The following MLC1 variants were observed in gnomAD, a reference collection of about 807,000 sequenced individuals.
MLC1 encodes the protein membrane protein MLC1.
MLC1 carries 32 observed loss-of-function variants against 44.7 expected under a neutral mutation model. That is an observed-to-expected ratio of 0.72 (90% CI 0.54 to 0.96). The LOEUF is 0.96. MLC1 is among the 40% of genes least tolerant of loss of function. The pLI, the probability that MLC1 is intolerant of heterozygous loss-of-function variation, is 0.00. For missense variants in MLC1, 459 were observed against 492.2 expected, an observed-to-expected ratio of 0.93 and a Z score of 0.64; for synonymous variants, 190 against 213.0, an observed-to-expected ratio of 0.89 and a Z score of 0.94.
chr22:50,070,431 G>A (rs566785536), intron 9 of MLC1, 96 bp downstream of exon 9: 6 of 1,220,908 alleles, frequency 4.9e-6, no homozygotes, highest in African/African-American at 4.5e-5. Flanking sequence ...GCTCTCTTGG[G>A]CTGGAGCCTG....
rs140676811 is a variant in MLC1, at chr22:50,076,843, A to C, written c.595T>G (p.Ser199Ala). Residue 199 changes from serine (S) to alanine (A), a missense_variant and splice_region_variant, in exon 7 of 12, where the codon TCA becomes GCA. Coordinates refer to ENST00000311597, the MANE Select transcript of MLC1 (RefSeq NM_015166.4). The part of the protein sequence containing the change: ...PFPARVLKSY[S>A]VVEVIAGISA... ...AGAAAGAAGGGAAGTTTTCTTACTGAGTAAGATTTCAGGACCCGAGCAGGA... is the reference window on the plus strand; with the variant it reads ...AGAAAGAAGGGAAGTTTTCTTACTGCGTAAGATTTCAGGACCCGAGCAGGA... The C allele has an allele frequency of 2.5e-6, 4 of 1,613,762 alleles. No homozygotes were observed. Among genetic ancestry groups the C allele is most frequent in the Admixed American group, 1.7e-5 (1 of 60,018 alleles).
Position 50,064,051 on chromosome 22 carries a change from C to G in MLC1, c.1042G>C (p.Glu348Gln). The change falls in exon 11 of 12, where the codon GAG becomes CAG. Residue 348 changes from glutamate to glutamine, a missense_variant. Transcript: ENST00000311597. The part of the protein sequence containing the change: ...ASWDTQNGPQ[E>Q]RLAGEVARSP... Reference sequence around the variant, plus strand: ...CCACTCACCTCCCCAGCCAGGCGCTCCTGCGGGCCGTTCTGGGTGTCCCAG... The same window carrying G: ...CCACTCACCTCCCCAGCCAGGCGCTGCTGCGGGCCGTTCTGGGTGTCCCAG... 6.2e-7 allele frequency: 1 copy of G among 1,606,770 alleles called. No individual in the cohort carries two copies. The highest frequency in any genetic ancestry group is 8.5e-7 in the Non-Finnish European group (1 of 1,179,682).
intron 10 of MLC1, among the ~76,000 whole-genome samples, chr22:50,067,960 AAAC>A (rs1601992384): frequency 8.5e-6 from 1 of 117,684 alleles, no homozygotes; most frequent in South Asian, 3.4e-4. Flanking sequence ...GGAAAAAAAA[AAAC>A]AAAAAAACAA....
At chr22:50,069,129 C>T (rs1274993666) in intron 9 of MLC1, among the ~76,000 whole-genome samples, 2 of 151,604 alleles carry the variant, frequency 1.3e-5, no homozygotes, top group Admixed American at 6.6e-5. Flanking sequence ...TGGGTTCAAG[C>T]AATTCTCCCG....
intron 9 of MLC1, among the ~76,000 whole-genome samples, chr22:50,070,271 C>T (rs2061818814): frequency 6.6e-6 from 1 of 152,218 alleles, no homozygotes; most frequent in Non-Finnish European, 1.5e-5. Flanking sequence ...GGTCTCCTTC[C>T]AAGGGTTAGG....
chr22:50,079,313 A>G (rs8139713), intron 5 of MLC1, among the ~76,000 whole-genome samples: 21,657 of 151,550 alleles, frequency 0.14, 1,720 homozygotes, highest in Admixed American at 0.21. Context: ...ACAAAAAGGC[A>G]GTGTGGGTGT....
Position 50,080,749 on chromosome 22 carries a change from A to G in MLC1, c.268-352T>C, listed in dbSNP as rs138766580. On this transcript the variant is annotated intron_variant, in intron 3 of 11. Coordinates refer to ENST00000311597, the MANE Select transcript of MLC1 (RefSeq NM_015166.4). ...TCTGAAAGAAGTTTTTATTTTTCTG[A>G]TGTGCTAAAAAGATATTTGTTAATG... Among the ~76,000 whole-genome samples the G allele has an allele frequency of 7.0e-3, 1,072 of 152,262 alleles. 18 individuals carry two copies. The highest frequency in any genetic ancestry group is 0.025 in the African/African-American group (1,022 of 41,520).
intron 3 of MLC1, among the ~76,000 whole-genome samples, chr22:50,082,076 GT>G (rs899694065): frequency 2.6e-5 from 4 of 152,264 alleles, no homozygotes; most frequent in African/African-American, 9.6e-5. Context: ...CACCAACAGT[GT>G]CCCTAGAGAA....
intron 7 of MLC1, among the ~76,000 whole-genome samples, chr22:50,075,924 G>A (rs747955996): frequency 1.6e-4 from 24 of 152,086 alleles, no homozygotes; most frequent in East Asian, 1.3e-3. Flanking sequence ...GACAGACCCC[G>A]CATGGTCTGT....
intron 11 of MLC1, 152 bp downstream of exon 11, chr22:50,063,882 C>A (rs1391896938): frequency 1.2e-5 from 10 of 826,784 alleles, no homozygotes; most frequent in Non-Finnish European, 1.7e-5. Flanking sequence ...ACCCCCTCCC[C>A]CTGCAGGCCA....
chr22:50,061,160 A>T lies in MLC1; in HGVS notation c.*423T>A, dbSNP rs1461267776. 2 of 286,788 alleles carry T rather than the reference A, an allele frequency of 7.0e-6. No individual in the cohort carries two copies. Among genetic ancestry groups the T allele is most frequent in the African/African-American group, 4.4e-5 (2 of 45,932 alleles). The allele number at this position is 286,788 out of a possible 1,614,324, so 17.8% of individuals were successfully genotyped here. ...CGGGACAGACCCTAAGCGTGGAGGG[A>T]GGAAGCCCGGTCAGAGTGGGCAGGA... On this transcript the variant is annotated 3_prime_UTR_variant, in exon 12 of 12. Transcript: ENST00000311597.
chr22:50,076,820 AAAG>A lies in MLC1; in HGVS notation c.597+18_597+20del, dbSNP rs1424729605. The A allele has an allele frequency of 6.2e-7, 1 of 1,611,116 alleles. No individual in the cohort carries two copies. ...CCCGACAGAGTATGAGAGAAAAGAG[AAAG>A]AAGGGAAGTTTTCTTACTGAGTAAG... On this transcript the variant is annotated intron_variant, in intron 7 of 11. Transcript: ENST00000311597.
intron 11 of MLC1, among the ~76,000 whole-genome samples, chr22:50,063,711 G>C (rs1328571075): frequency 8.3e-6 from 1 of 120,312 alleles, no homozygotes; most frequent in African/African-American, 3.2e-5. Context: ...CTCCCTGGCT[G>C]AGCACCCCTG....
chr22:50,070,728 A>C, intron 8 of MLC1, 145 bp from the exon 9 acceptor site: 3 of 840,126 alleles, frequency 3.6e-6, no homozygotes, highest in Non-Finnish European at 1.9e-6. Context: ...GCAGTGCCCA[A>C]AGGCGCAGCT....
chr22:50,074,373 G>A, intron 7 of MLC1, 41 bp from the exon 8 acceptor site: 1 of 1,511,410 alleles, frequency 6.6e-7, no homozygotes, highest in Non-Finnish European at 9.2e-7. Context: ...AGGAAGTGGA[G>A]ACACCCCCAG....
Position 50,074,333 on chromosome 22 carries a change from C to A in MLC1, c.598-1G>T. 6.2e-7 allele frequency: 1 copy of A among 1,611,934 alleles called. No homozygotes were observed. The highest frequency in any genetic ancestry group is 8.5e-7 in the Non-Finnish European group (1 of 1,178,120). On this transcript the variant is annotated splice_acceptor_variant, in intron 7 of 11. Coordinates refer to ENST00000311597, the MANE Select transcript of MLC1 (RefSeq NM_015166.4). LOFTEE classifies it high-confidence loss of function. Reference sequence around the variant, plus strand: ...AGATGCCTGCGATTACCTCGACGACCTGGAGGGGACAGGACAGCATCGGCT... The same window carrying A: ...AGATGCCTGCGATTACCTCGACGACATGGAGGGGACAGGACAGCATCGGCT...
chr22:50,068,730 T>TC (rs1430294120), intron 9 of MLC1, among the ~76,000 whole-genome samples, 175 bp from the exon 10 acceptor site: 7 of 92,192 alleles, frequency 7.6e-5, no homozygotes, highest in South Asian at 4.9e-4. Context: ...TTTTTCTTTT[T>TC]TTTTTTTTTT....
chr22:50,080,066 A>G, intron 4 of MLC1, 47 bp from the exon 5 acceptor site: 2 of 1,446,770 alleles, frequency 1.4e-6, no homozygotes, highest in Non-Finnish European at 1.9e-6. Flanking sequence ...ATAATAAAAG[A>G]AAAAAGGTAA....
rs918002616 is a variant in MLC1, at chr22:50,060,739, C to T, written c.*844G>A. 1.1e-4 allele frequency: 11 copies of T among 104,456 alleles called. No homozygotes were observed. The highest frequency in any genetic ancestry group is 1.7e-4 in the Non-Finnish European group (8 of 46,722). The allele number at this position is 104,456 out of a possible 1,614,324, so 6.5% of individuals were successfully genotyped here. ...ACTCCAAGCTGGGCATGACAGTGCC[C>T]GGGACGTGGGCAGCGGCCATGTGGC... On this transcript the variant is annotated 3_prime_UTR_variant, in exon 12 of 12. Coordinates refer to ENST00000311597, the MANE Select transcript of MLC1 (RefSeq NM_015166.4).
Sources: gnomAD v4.1 joint callset for allele counts (sites outside exome capture counted in the v4.1 genomes callset) on GRCh38, gnomAD v4.1.1 for gene constraint, MANE v1.5 for transcripts, NCBI Gene and HGNC (gene_info 2026-07-23, HGNC 2026-07-21) for gene names.